The following ESR1 variants were observed in gnomAD, a reference collection of about 807,000 sequenced individuals.
ESR1 encodes estrogen receptor 1, also known as estrogen receptor.
In ESR1, 12 loss-of-function variants were observed where a neutral mutation model predicts 52.7. That is an observed-to-expected ratio of 0.23 (90% CI 0.15 to 0.37). ESR1 has a LOEUF of 0.37. ESR1 is among the 10% of genes least tolerant of loss of function. The pLI is 1.00. For missense variants in ESR1, 584 were observed against 779.7 expected, an observed-to-expected ratio of 0.75 and a Z score of 2.99; for synonymous variants, 305 against 316.8, an observed-to-expected ratio of 0.96 and a Z score of 0.39.
At chr6:151,964,963 T>C (rs528206715) in intron 4 of ESR1, among the ~76,000 whole-genome samples, 1 of 152,302 alleles carries the variant, frequency 6.6e-6, no homozygotes, top group East Asian at 1.9e-4. Context: ...AATCACGCGA[T>C]ATATACAGGC....
intron 4 of ESR1, among the ~76,000 whole-genome samples, chr6:152,009,121 T>G (rs1411042648): frequency 6.6e-6 from 1 of 152,046 alleles, no homozygotes; most frequent in Admixed American, 6.6e-5. Context: ...CCCCACCCCC[T>G]GGGGATCTGA....
At chr6:151,782,844 C>G (rs563088470) in intron 2 of ESR1, among the ~76,000 whole-genome samples, 1 of 152,064 alleles carries the variant, frequency 6.6e-6, no homozygotes, top group African/African-American at 2.4e-5. Flanking sequence ...TCCATTCCTC[C>G]GCCACATCCA....
chr6:152,116,266 C>T (rs569543900), intron 6 of ESR1, among the ~76,000 whole-genome samples: 4 of 152,302 alleles, frequency 2.6e-5, no homozygotes, highest in Admixed American at 2.0e-4. Flanking sequence ...TCAAAAGATA[C>T]ACATGCATAT....
Position 151,969,012 on chromosome 6 carries a change from T to G in ESR1, c.1096+24504T>G, listed in dbSNP as rs139394917. ...ACCCACATTTTTAGCAAGCAGAGCT[T>G]CAGTTTTGAGTGGAGGGCAGGAGTA... On this transcript the variant is annotated intron_variant, in intron 4 of 7. Coordinates refer to ENST00000206249, the MANE Select transcript of ESR1 (RefSeq NM_000125.4). Among the ~76,000 whole-genome samples, 3 of 152,164 alleles carry G rather than the reference T, an allele frequency of 2.0e-5. No homozygotes were observed. In the East Asian group the frequency reaches 5.8e-4, roughly 30 times the overall value.
intron 2 of ESR1, among the ~76,000 whole-genome samples, chr6:151,784,949 T>G (rs1786882519): frequency 6.6e-6 from 1 of 152,232 alleles, no homozygotes; most frequent in South Asian, 2.1e-4. Context: ...CATTTTTTTC[T>G]TCTCTGGAAA....
chr6:151,786,325 C>G (rs112095022), intron 2 of ESR1, among the ~76,000 whole-genome samples: 1 of 152,260 alleles, frequency 6.6e-6, no homozygotes, highest in East Asian at 1.9e-4. Flanking sequence ...TACCCTCTAG[C>G]GAGAGGCTGC....
At chr6:152,115,094 T>A (rs897050261) in intron 6 of ESR1, among the ~76,000 whole-genome samples, 1 of 151,152 alleles carries the variant, frequency 6.6e-6, no homozygotes, top group Non-Finnish European at 1.5e-5. Flanking sequence ...TCAAGCCTTA[T>A]ATTTCACATG....
intron 1 of ESR1, among the ~76,000 whole-genome samples, chr6:151,666,360 T>G (rs1302391464): frequency 6.6e-6 from 1 of 152,178 alleles, no homozygotes; most frequent in Non-Finnish European, 1.5e-5. Context: ...CAGTACATTT[T>G]CTTGCTAATA....
At chr6:151,852,237 C>A (rs1786894629) in intron 2 of ESR1, among the ~76,000 whole-genome samples, 1 of 152,180 alleles carries the variant, frequency 6.6e-6, no homozygotes, top group Admixed American at 6.5e-5. Flanking sequence ...GAAACAGAAT[C>A]AGCTCTCTGC....
At chr6:151,680,325 T>G (rs954838950) in intron 1 of ESR1, among the ~76,000 whole-genome samples, 1 of 150,716 alleles carries the variant, frequency 6.6e-6, no homozygotes, top group Non-Finnish European at 1.5e-5. Context: ...TGCCTCAGCC[T>G]CCCGAGTAGC....
At chr6:151,806,557 TACAC>T (rs1554259011), upstream of ESR1, among the ~76,000 whole-genome samples, 2 of 133,752 alleles carry the variant, frequency 1.5e-5, no homozygotes, top group South Asian at 2.3e-4. Context: ...TATATATATA[TACAC>T]ATATATGTGT....
At chr6:151,750,818 C>T (rs1783846463) in intron 2 of ESR1, among the ~76,000 whole-genome samples, 1 of 152,048 alleles carries the variant, frequency 6.6e-6, no homozygotes, top group Non-Finnish European at 1.5e-5. Flanking sequence ...AAAAAAATCA[C>T]GTTCTCACAA....
At chr6:152,041,685 G>A (rs2045812762) in intron 5 of ESR1, among the ~76,000 whole-genome samples, 1 of 152,234 alleles carries the variant, frequency 6.6e-6, no homozygotes, top group Non-Finnish European at 1.5e-5. Flanking sequence ...ATGGACCAGT[G>A]TGATATCTTG....
chr6:152,082,663 A>T (rs1165053995), intron 6 of ESR1, among the ~76,000 whole-genome samples: 4 of 152,334 alleles, frequency 2.6e-5, no homozygotes, highest in African/African-American at 9.6e-5. Flanking sequence ...GGAAAAGAGG[A>T]AGTCAAATTG....
At chr6:151,880,256 C>T (rs968148775) in intron 2 of ESR1, among the ~76,000 whole-genome samples, 5 of 142,442 alleles carry the variant, frequency 3.5e-5, no homozygotes, top group African/African-American at 1.3e-4. Context: ...AATCTCGGCT[C>T]ACTGCAACCT....
chr6:152,030,399 C>A (rs552220984), intron 5 of ESR1, among the ~76,000 whole-genome samples: 1 of 151,950 alleles, frequency 6.6e-6, no homozygotes, highest in African/African-American at 2.4e-5. Context: ...ACCCATCTCA[C>A]GTGCAGAGAC....
chr6:152,126,182 T>C (rs2053363703), exon 7 of ESR1: 1 of 152,178 alleles, frequency 6.6e-6, no homozygotes, highest in African/African-American at 2.4e-5. Flanking sequence ...CAATATTCAG[T>C]GACTGTCCGT....
intron 1 of ESR1, among the ~76,000 whole-genome samples, chr6:151,830,063 T>C (rs553571857): frequency 6.6e-6 from 1 of 152,360 alleles, no homozygotes; most frequent in South Asian, 2.1e-4. Context: ...GGATCATAAA[T>C]GAAATGACTT....
intron 1 of ESR1, among the ~76,000 whole-genome samples, chr6:151,668,887 G>T (rs1777921787): frequency 1.3e-5 from 2 of 151,968 alleles, no homozygotes; most frequent in Admixed American, 1.3e-4. Flanking sequence ...TAGAGATTGG[G>T]GGTGCCATTC....
Sources: gnomAD v4.1 joint callset for allele counts (sites outside exome capture counted in the v4.1 genomes callset) on GRCh38, gnomAD v4.1.1 for gene constraint, MANE v1.5 for transcripts, NCBI Gene and HGNC (gene_info 2026-07-23, HGNC 2026-07-21) for gene names.